Variants in CDK14 observed in about 807,000 individuals in gnomAD.
CDK14 encodes cyclin dependent kinase 14.
Under a neutral mutation model 60.7 loss-of-function variants are expected in CDK14, and 34 were observed. The ratio of observed to expected loss-of-function variants is 0.56; its 90% CI spans 0.43 to 0.75. CDK14 has a LOEUF of 0.75. Ranked by LOEUF, CDK14 falls within the 30% of genes least tolerant of loss-of-function variation. The pLI is 0.00. For synonymous variants in CDK14, 197 were observed against 203.7 expected, an observed-to-expected ratio of 0.97 and a Z score of 0.28; for missense variants, 482 against 564.1, an observed-to-expected ratio of 0.85 and a Z score of 1.47.
chr7:90,909,789 C>G (rs1792831205), intron 7 of CDK14, among the ~76,000 whole-genome samples: 1 of 151,304 alleles, frequency 6.6e-6, no homozygotes, highest in African/African-American at 2.4e-5. Context: ...CCAGAAAGTT[C>G]TCATCTTTAG....
chr7:91,026,522 T>G (rs1796574611), intron 10 of CDK14, among the ~76,000 whole-genome samples: 1 of 152,190 alleles, frequency 6.6e-6, no homozygotes, highest in Non-Finnish European at 1.5e-5. Flanking sequence ...TTAGAGTATC[T>G]TTGATCTTCA....
At chr7:90,731,149 A>T (rs1481003094) in intron 3 of CDK14, among the ~76,000 whole-genome samples, 1 of 152,154 alleles carries the variant, frequency 6.6e-6, no homozygotes, top group East Asian at 1.9e-4. Context: ...GGTTTGTCAG[A>T]GATCAGATGG....
At chr7:90,706,548 A>G (rs1801900667) in intron 2 of CDK14, among the ~76,000 whole-genome samples, 1 of 152,182 alleles carries the variant, frequency 6.6e-6, no homozygotes, top group Non-Finnish European at 1.5e-5. Flanking sequence ...CAAACAAAGT[A>G]AATTAATGAA....
intron 14 of CDK14, among the ~76,000 whole-genome samples, chr7:91,182,785 A>G (rs551613164): frequency 6.6e-6 from 1 of 152,324 alleles, no homozygotes; most frequent in South Asian, 2.1e-4. Context: ...TTAAAGGAAA[A>G]GCCTACACAA....
chr7:90,971,162 T>G (rs1794917492), intron 9 of CDK14, among the ~76,000 whole-genome samples: 1 of 151,878 alleles, frequency 6.6e-6, no homozygotes, highest in African/African-American at 2.4e-5. Flanking sequence ...GGTTTTTTTT[T>G]TTTTGTCTCG....
chr7:90,742,570 C>A (rs1803390618), intron 3 of CDK14, among the ~76,000 whole-genome samples: 1 of 151,808 alleles, frequency 6.6e-6, no homozygotes, highest in Non-Finnish European at 1.5e-5. Flanking sequence ...TTACAGATAT[C>A]TTTTATTGTC....
chr7:90,669,634 A>G (rs59200261), intron 2 of CDK14, among the ~76,000 whole-genome samples: 41,700 of 152,132 alleles, frequency 0.27, 6,141 homozygotes, highest in Non-Finnish European at 0.34. Context: ...TATCAATTAA[A>G]CAGCTGGATC....
intron 8 of CDK14, among the ~76,000 whole-genome samples, chr7:90,937,016 C>A (rs963134538): frequency 6.6e-6 from 1 of 151,936 alleles, no homozygotes; most frequent in Non-Finnish European, 1.5e-5. Context: ...GATTTCAAGG[C>A]TTCAGTGAGG....
At chr7:90,720,597 C>T (rs1200444695) in intron 2 of CDK14, among the ~76,000 whole-genome samples, 1 of 152,074 alleles carries the variant, frequency 6.6e-6, no homozygotes, top group Non-Finnish European at 1.5e-5. Context: ...ATTATTTTGA[C>T]ATATTCTAGA....
intron 6 of CDK14, among the ~76,000 whole-genome samples, chr7:90,868,238 G>A (rs1286511708): frequency 6.6e-6 from 1 of 151,180 alleles, no homozygotes; most frequent in Non-Finnish European, 1.5e-5. Flanking sequence ...GTTTCCTTGT[G>A]TCATTTTGCC....
At chr7:90,982,762 T>C (rs1795264589) in intron 9 of CDK14, among the ~76,000 whole-genome samples, 1 of 152,106 alleles carries the variant, frequency 6.6e-6, no homozygotes, top group Non-Finnish European at 1.5e-5. Flanking sequence ...TTAGAGTTCT[T>C]TCAGGGCAGT....
chr7:91,177,594 T>G (rs1801818150), intron 14 of CDK14, among the ~76,000 whole-genome samples: 1 of 152,070 alleles, frequency 6.6e-6, no homozygotes, highest in Admixed American at 6.6e-5. Context: ...CTTAAGCTGA[T>G]AAGCAACTTC....
chr7:90,676,945 A>AAT (rs1801212836), intron 2 of CDK14, among the ~76,000 whole-genome samples: 1 of 114,730 alleles, frequency 8.7e-6, no homozygotes, highest in East Asian at 3.6e-4. Context: ...TTGTATATCA[A>AAT]GTTTTTTTTT....
At chr7:90,984,034 GA>G in intron 9 of CDK14, 113 bp from the exon 10 acceptor site, 1 of 718,632 alleles carries the variant, frequency 1.4e-6, no homozygotes, top group South Asian at 1.6e-5. Context: ...GGGGAAAAAG[GA>G]AACAGTTTAC....
intron 2 of CDK14, among the ~76,000 whole-genome samples, chr7:90,644,298 A>C (rs954993848): frequency 6.6e-6 from 1 of 152,230 alleles, no homozygotes; most frequent in African/African-American, 2.4e-5. Context: ...AGTCATAATG[A>C]TAATAACCAA....
intron 14 of CDK14, among the ~76,000 whole-genome samples, chr7:91,189,052 G>T (rs779270063): frequency 6.6e-6 from 1 of 151,778 alleles, no homozygotes; most frequent in East Asian, 1.9e-4. Context: ...TTTCCTCTTC[G>T]TCATTTTACT....
chr7:90,772,678 A>G (rs12540006), intron 4 of CDK14, among the ~76,000 whole-genome samples: 6 of 152,190 alleles, frequency 3.9e-5, no homozygotes, highest in South Asian at 2.1e-4. Flanking sequence ...GGCCTCCCCA[A>G]CCGTGTTTCC....
chr7:90,913,451 T>C (rs1203354504), intron 7 of CDK14, among the ~76,000 whole-genome samples: 8 of 152,218 alleles, frequency 5.3e-5, no homozygotes, highest in Non-Finnish European at 7.3e-5. Context: ...AAAATGCACA[T>C]TGATTTGAGA....
At chr7:91,206,796 G>A (rs990323481) in intron 14 of CDK14, among the ~76,000 whole-genome samples, 1 of 152,164 alleles carries the variant, frequency 6.6e-6, no homozygotes, top group Non-Finnish European at 1.5e-5. Flanking sequence ...ATAATGATAC[G>A]TCCTTTTAAT....
Sources: allele counts gnomAD v4.1 joint callset (sites outside exome capture counted in the v4.1 genomes callset), GRCh38; gene constraint gnomAD v4.1.1; transcripts MANE v1.5; gene names NCBI Gene and HGNC (gene_info 2026-07-23, HGNC 2026-07-21).